Variants in CSNK1G1 observed in about 807,000 individuals in gnomAD.
The protein encoded by CSNK1G1 is casein kinase I isoform gamma-1.
A neutral mutation model predicts 59.6 loss-of-function variants in CSNK1G1; 22 were observed. The observed-to-expected ratio is 0.37, with a 90% CI of 0.26 to 0.53. CSNK1G1 has a LOEUF of 0.53. Among genes scored for constraint, CSNK1G1 ranks in the 20% least tolerant of loss-of-function variants. CSNK1G1 has a pLI of 0.89. For missense variants in CSNK1G1, 384 were observed against 519.5 expected (o/e 0.74, Z 2.54); for synonymous variants, 179 against 177.1 (o/e 1.01, Z -0.08).
intron 6 of CSNK1G1, among the ~76,000 whole-genome samples, chr15:64,211,487 G>T (rs2082248500): frequency 6.6e-6 from 1 of 152,044 alleles, no homozygotes; most frequent in African/African-American, 2.4e-5. Flanking sequence ...AAGTCTGGGG[G>T]TAAACTCAAA....
chr15:64,205,488 T>C (rs1038176392), intron 7 of CSNK1G1, among the ~76,000 whole-genome samples: 1 of 151,980 alleles, frequency 6.6e-6, no homozygotes, highest in Non-Finnish European at 1.5e-5. Context: ...GGCTAACAGG[T>C]TTGGTGTATG....
At chr15:64,265,927 A>AT in intron 2 of CSNK1G1, 2 of 424,712 alleles carry the variant, frequency 4.7e-6, no homozygotes, top group South Asian at 3.3e-5. Flanking sequence ...GCAAAAAAAA[A>AT]TTTTTAATTA....
rs2081601232 is a variant in CSNK1G1, at chr15:64,166,191, GCAAT to G, written c.*5736_*5739del. On this transcript the variant is annotated 3_prime_UTR_variant, in exon 12 of 12. Coordinates refer to ENST00000303052, the MANE Select transcript of CSNK1G1 (RefSeq NM_022048.5). The surrounding 1 kb of genome is among the most constrained non-coding windows in gnomAD (Gnocchi z 4.5). ...TACATTATCTAGTTGTTTAAAAATC[GCAAT>G]CAACATCCCAACATCTTTTTAAGAG... is the stretch of plus-strand genomic sequence containing the variant. 1 of 450,348 alleles carries G rather than the reference GCAAT, an allele frequency of 2.2e-6. No individual in the cohort carries two copies. The highest frequency in any genetic ancestry group is 4.2e-5 in the Admixed American group (1 of 23,944). 27.9% of individuals were successfully genotyped at this position (450,348 alleles called of 1,614,324 possible). A position where few individuals can be genotyped will look rare whatever the true frequency, so the allele number is the denominator to read the frequency against.
chr15:64,173,174 G>T (rs964224673), intron 11 of CSNK1G1, among the ~76,000 whole-genome samples: 1 of 152,178 alleles, frequency 6.6e-6, no homozygotes, highest in African/African-American at 2.4e-5. Flanking sequence ...TGGAAATAAA[G>T]ACTATTACTT....
chr15:64,180,619 A>C (rs955542592), intron 10 of CSNK1G1, among the ~76,000 whole-genome samples, 165 bp from the exon 11 acceptor site: 1 of 152,244 alleles, frequency 6.6e-6, no homozygotes, highest in Non-Finnish European at 1.5e-5. Flanking sequence ...GAGAACACTA[A>C]TATCAATGAT....
intron 6 of CSNK1G1, among the ~76,000 whole-genome samples, chr15:64,208,110 T>C (rs1043756119): frequency 6.6e-6 from 1 of 152,216 alleles, no homozygotes; most frequent in Non-Finnish European, 1.5e-5. Flanking sequence ...TTAAGTTTCA[T>C]ATCAATGAAC....
intron 1 of CSNK1G1, among the ~76,000 whole-genome samples, chr15:64,341,626 T>C (rs1408255655): frequency 6.6e-6 from 1 of 152,142 alleles, no homozygotes; most frequent in Admixed American, 6.6e-5. Context: ...GCTCGTGCCA[T>C]GACACCCAGC....
At chr15:64,256,037 GTATCA>G (rs1216173854) in intron 3 of CSNK1G1, among the ~76,000 whole-genome samples, 1 of 152,166 alleles carries the variant, frequency 6.6e-6, no homozygotes, top group Non-Finnish European at 1.5e-5. Flanking sequence ...AGATAGAGAG[GTATCA>G]TATCACTCTT....
At position 64,356,093 on chromosome 15, in the gene CSNK1G1, G is replaced by C. The variant is rs921830289; in HGVS notation, c.-330C>G. The C allele has an allele frequency of 6.6e-6, 1 of 152,206 alleles. No homozygotes were observed. 9.4% of individuals were successfully genotyped at this position (152,206 alleles called of 1,614,324 possible). On this transcript the variant is annotated 5_prime_UTR_variant, in exon 1 of 12. Coordinates refer to ENST00000303052, the MANE Select transcript of CSNK1G1 (RefSeq NM_022048.5). ...GCAGCGGTGGTTTCTCTCTTTCCCAGGAGCGGGAGGGAGGGGAGAAGGCGG... is the reference window on the plus strand; with the variant it reads ...GCAGCGGTGGTTTCTCTCTTTCCCACGAGCGGGAGGGAGGGGAGAAGGCGG...
intron 1 of CSNK1G1, among the ~76,000 whole-genome samples, chr15:64,319,733 T>C (rs1343998320): frequency 1.3e-5 from 2 of 152,068 alleles, no homozygotes; most frequent in Non-Finnish European, 2.9e-5. Flanking sequence ...TGTGTTTTAG[T>C]AGAGACGAGG....
chr15:64,327,250 A>G (rs2140451130), intron 1 of CSNK1G1, among the ~76,000 whole-genome samples: 1 of 151,974 alleles, frequency 6.6e-6, no homozygotes, highest in African/African-American at 2.4e-5. Flanking sequence ...GACAGCAGTA[A>G]CCTCTGCAGA....
At chr15:64,173,626 T>TC (rs888546818) in intron 11 of CSNK1G1, among the ~76,000 whole-genome samples, 5 of 141,824 alleles carry the variant, frequency 3.5e-5, no homozygotes, top group African/African-American at 1.3e-4. Context: ...TTTCTTTTTT[T>TC]TTTTTTTTTT....
At chr15:64,277,959 G>C (rs1483398095) in intron 2 of CSNK1G1, among the ~76,000 whole-genome samples, 1 of 140,600 alleles carries the variant, frequency 7.1e-6, no homozygotes, top group African/African-American at 2.7e-5. Context: ...TGATATAGTT[G>C]AATAATATAT....
rs144751021 is a variant in CSNK1G1, at chr15:64,352,386, T to C, written c.-225+3602A>G. Reference sequence around the variant, plus strand: ...ACCTTACACTCTCAGAAGAGCCATTTAGAAAGCTAAATAACCTTACCAAAA... The same window carrying C: ...ACCTTACACTCTCAGAAGAGCCATTCAGAAAGCTAAATAACCTTACCAAAA... On this transcript the variant is annotated intron_variant, in intron 1 of 11. Transcript: ENST00000303052. 3.3e-5 allele frequency among the ~76,000 whole-genome samples: 5 copies of C among 150,480 alleles called. No individual in the cohort carries two copies. In the East Asian group the frequency reaches 7.8e-4, roughly 23 times the overall value.
chr15:64,199,944 C>A (rs1370245146), intron 10 of CSNK1G1, among the ~76,000 whole-genome samples: 6 of 152,042 alleles, frequency 3.9e-5, no homozygotes, highest in Admixed American at 3.9e-4. Context: ...AAAAAATATT[C>A]TAAAAAATAG....
At chr15:64,212,404 T>C (rs964327679) in intron 6 of CSNK1G1, among the ~76,000 whole-genome samples, 1 of 152,216 alleles carries the variant, frequency 6.6e-6, no homozygotes, top group Non-Finnish European at 1.5e-5. Flanking sequence ...AGATATTACA[T>C]TAGTCTTTAA....
intron 10 of CSNK1G1, chr15:64,181,175 G>T: frequency 6.6e-7 from 1 of 1,518,016 alleles, no homozygotes; most frequent in Non-Finnish European, 8.8e-7. Context: ...CCCTTGGAAA[G>T]CCAGTCTTAT....
chr15:64,226,900 C>T (rs1314081889), intron 4 of CSNK1G1, among the ~76,000 whole-genome samples: 1 of 152,144 alleles, frequency 6.6e-6, no homozygotes, highest in Admixed American at 6.5e-5. Flanking sequence ...GTACAGTGAT[C>T]CCCTTCCTGA....
intron 1 of CSNK1G1, among the ~76,000 whole-genome samples, chr15:64,319,477 G>A (rs1896445571): frequency 2.0e-5 from 3 of 151,708 alleles, no homozygotes; most frequent in Admixed American, 2.0e-4. Flanking sequence ...CTTTCTTGAG[G>A]TGATTGCTTT....
Sources: allele counts gnomAD v4.1 joint callset (sites outside exome capture counted in the v4.1 genomes callset), GRCh38; gene constraint gnomAD v4.1.1; non-coding constraint Gnocchi (gnomAD v3.1); transcripts MANE v1.5; gene names NCBI Gene and HGNC (gene_info 2026-07-23, HGNC 2026-07-21).